Variants in DLG2 observed in about 807,000 individuals in gnomAD.
DLG2 encodes the protein disks large homolog 2.
A neutral mutation model predicts 132.5 loss-of-function variants in DLG2; 45 were observed. The observed-to-expected ratio is 0.34, with a 90% CI of 0.27 to 0.44. The LOEUF (loss-of-function observed/expected upper bound fraction) is 0.44. Ranked by LOEUF, DLG2 falls within the 20% of genes least tolerant of loss-of-function variation. The pLI, the probability that DLG2 is intolerant of heterozygous loss-of-function variation, is 1.00. For missense variants in DLG2, 1,045 were observed against 1,196.9 expected, an observed-to-expected ratio of 0.87 and a Z score of 1.87; for synonymous variants, 424 against 419.6, an observed-to-expected ratio of 1.01 and a Z score of -0.13.
chr11:83,810,117 C>T (rs895504365), intron 17 of DLG2, among the ~76,000 whole-genome samples: 1 of 152,078 alleles, frequency 6.6e-6, no homozygotes, highest in African/African-American at 2.4e-5. Flanking sequence ...ATTCACCCTT[C>T]TTTTCTTTCT....
chr11:84,872,916 C>G (rs2085705107), intron 6 of DLG2, among the ~76,000 whole-genome samples: 1 of 152,134 alleles, frequency 6.6e-6, no homozygotes, highest in South Asian at 2.1e-4. Flanking sequence ...AGTGAGGCAC[C>G]AAAGAGAAAA....
At chr11:85,083,998 T>A (rs1341937972) in intron 6 of DLG2, among the ~76,000 whole-genome samples, 2 of 152,128 alleles carry the variant, frequency 1.3e-5, no homozygotes, top group Non-Finnish European at 2.9e-5. Context: ...TGGAGTTTTA[T>A]TTTTGGTTGA....
chr11:84,016,461 T>C (rs1035709306), intron 11 of DLG2, among the ~76,000 whole-genome samples: 1 of 152,178 alleles, frequency 6.6e-6, no homozygotes, highest in Non-Finnish European at 1.5e-5. Context: ...TAGGTTGTCT[T>C]TGAGGGCTTT....
chr11:84,756,375 C>G (rs1450726948), intron 6 of DLG2, among the ~76,000 whole-genome samples: 1 of 152,144 alleles, frequency 6.6e-6, no homozygotes, highest in Non-Finnish European at 1.5e-5. Flanking sequence ...TTAGAAATAA[C>G]TGCTGAGGAG....
At chr11:84,225,594 G>A (rs1050161198) in intron 8 of DLG2, among the ~76,000 whole-genome samples, 1 of 152,148 alleles carries the variant, frequency 6.6e-6, no homozygotes, top group Non-Finnish European at 1.5e-5. Context: ...TGATGCCACT[G>A]TGATAGAATA....
intron 7 of DLG2, among the ~76,000 whole-genome samples, chr11:84,454,144 C>T (rs959928125): frequency 5.9e-5 from 9 of 151,434 alleles, no homozygotes; most frequent in Non-Finnish European, 1.3e-4. Flanking sequence ...TGCACAGTCT[C>T]ATAAAAAGAT....
intron 6 of DLG2, among the ~76,000 whole-genome samples, chr11:85,008,084 A>T (rs1233629931): frequency 1.3e-5 from 2 of 152,208 alleles, no homozygotes; most frequent in African/African-American, 4.8e-5. Flanking sequence ...CTAAGCAGAG[A>T]ACACGAAAAC....
intron 3 of DLG2, among the ~76,000 whole-genome samples, chr11:85,285,790 T>G (rs532373028): frequency 1.3e-5 from 2 of 151,998 alleles, no homozygotes; most frequent in African/African-American, 4.8e-5. Context: ...AGAGATAGTT[T>G]TAAAAAATCA....
Position 84,219,741 on chromosome 11 carries a change from A to C in DLG2, c.573+31497T>G, listed in dbSNP as rs539369480. 3.3e-5 allele frequency among the ~76,000 whole-genome samples: 5 copies of C among 152,328 alleles called. No homozygotes were observed. The South Asian group carries it at 1.0e-3, about 32-fold the overall frequency. On this transcript the variant is annotated intron_variant, in intron 8 of 27. Coordinates refer to ENST00000376104, the MANE Select transcript of DLG2 (RefSeq NM_001142699.3). ...AGCTTACATATGTGCGCCTGCACAG[A>C]ATACTCAGACTTATGGCCATCTTCT...
intron 17 of DLG2, among the ~76,000 whole-genome samples, chr11:83,809,750 A>G (rs537648144): frequency 6.6e-6 from 1 of 152,144 alleles, no homozygotes; most frequent in African/African-American, 2.4e-5. Context: ...AGTATGAAAT[A>G]AGTACTGAAA....
At chr11:85,483,607 T>C (rs146682280) in intron 3 of DLG2, among the ~76,000 whole-genome samples, 95 of 152,282 alleles carry the variant, frequency 6.2e-4, no homozygotes, top group Non-Finnish European at 1.3e-3. Flanking sequence ...TGGTGATATG[T>C]AAATCACTTA....
intron 6 of DLG2, among the ~76,000 whole-genome samples, chr11:85,038,972 C>T (rs986658665): frequency 6.6e-6 from 1 of 151,904 alleles, no homozygotes; most frequent in Non-Finnish European, 1.5e-5. Context: ...TTTGTTACTT[C>T]CATAAAATTA....
chr11:85,081,380 C>A (rs2067207405), intron 6 of DLG2, among the ~76,000 whole-genome samples: 1 of 152,128 alleles, frequency 6.6e-6, no homozygotes, highest in African/African-American at 2.4e-5. Flanking sequence ...AAAAACAATA[C>A]CGCAAAGTGA....
chr11:84,075,176 A>T (rs1191433628), intron 10 of DLG2, among the ~76,000 whole-genome samples: 1 of 152,182 alleles, frequency 6.6e-6, no homozygotes, highest in Non-Finnish European at 1.5e-5. Context: ...GCCTAACTTG[A>T]TTATTTAATC....
At chr11:84,578,976 T>C (rs1280746936) in intron 6 of DLG2, among the ~76,000 whole-genome samples, 1 of 152,174 alleles carries the variant, frequency 6.6e-6, no homozygotes, top group Non-Finnish European at 1.5e-5. Context: ...TCATGAAATC[T>C]GATGGGTTTA....
At chr11:84,130,713 A>G (rs1224408375) in intron 9 of DLG2, among the ~76,000 whole-genome samples, 3 of 151,938 alleles carry the variant, frequency 2.0e-5, no homozygotes, top group Non-Finnish European at 4.4e-5. Flanking sequence ...TGGTCGTAAC[A>G]GCAGAAATAA....
At chr11:84,030,497 T>C (rs2095661953) in intron 11 of DLG2, among the ~76,000 whole-genome samples, 1 of 152,054 alleles carries the variant, frequency 6.6e-6, no homozygotes, top group Non-Finnish European at 1.5e-5. Context: ...CATACCTTTA[T>C]GGAAGGTGAA....
intron 19 of DLG2, among the ~76,000 whole-genome samples, chr11:83,628,169 G>A (rs893099267): frequency 2.0e-5 from 3 of 152,138 alleles, no homozygotes; most frequent in African/African-American, 7.2e-5. Context: ...TAGGTTGCCT[G>A]TTCACTCTGA....
intron 25 of DLG2, among the ~76,000 whole-genome samples, chr11:83,467,782 T>G: frequency 1.7e-5 from 1 of 60,406 alleles, no homozygotes; most frequent in East Asian, 4.0e-4. Flanking sequence ...TATATATATA[T>G]ATATATATAT....
Sources: allele counts gnomAD v4.1 joint callset (sites outside exome capture counted in the v4.1 genomes callset), GRCh38; gene constraint gnomAD v4.1.1; transcripts MANE v1.5; gene names NCBI Gene and HGNC (gene_info 2026-07-23, HGNC 2026-07-21).